STRC: variants seen among roughly 807,000 people sequenced by gnomAD.
The protein encoded by STRC is stereocilin.
A neutral mutation model predicts 103.5 loss-of-function variants in STRC; 43 were observed. The ratio of observed to expected loss-of-function variants is 0.42; its 90% CI spans 0.33 to 0.54. The LOEUF (loss-of-function observed/expected upper bound fraction) is 0.54. STRC is among the 20% of genes least tolerant of loss of function. The pLI, the probability that STRC is intolerant of heterozygous loss-of-function variation, is 0.14. For missense variants in STRC, 499 were observed against 1,088.5 expected, an observed-to-expected ratio of 0.46 and a Z score of 7.62; for synonymous variants, 186 against 442.3, an observed-to-expected ratio of 0.42 and a Z score of 7.27.
At position 43,601,404 on chromosome 15, in the gene STRC, T is replaced by A. The variant is rs141809944; in HGVS notation, c.4693A>T (p.Thr1565Ser). ...STLGQIDGWS[T>S]TQLRIVVSSF... ...AGGAGGAAAAGTGTTACCTGAGTGG[T>A]GCTCCAGCCATCTATCTGCCCCAGG... Residue 1565 changes from threonine to serine, a missense_variant, in exon 24 of 29, where the codon ACC becomes TCC. Thr to Ser is a moderately conservative substitution (Grantham distance 58). Transcript: ENST00000450892. 3.1e-4 allele frequency: 507 copies of A among 1,611,122 alleles called. 3 individuals are homozygous for A. The highest frequency in any genetic ancestry group is 1.4e-3 in the Middle Eastern group (8 of 5,766).
chr15:43,602,405 A>C (rs891667032), intron 23 of STRC: 1 of 151,910 alleles, frequency 6.6e-6, no homozygotes, highest in African/African-American at 2.4e-5. Flanking sequence ...TCTGGTCTCT[A>C]ACTCCTGGGC....
intron 23 of STRC, among the ~76,000 whole-genome samples, chr15:43,601,952 T>C (rs2085672356): frequency 1.3e-5 from 2 of 151,374 alleles, no homozygotes; most frequent in African/African-American, 2.4e-5. Flanking sequence ...AAACCCCATC[T>C]CTACCAAAGA....
chr15:43,603,656 C>T, intron 22 of STRC: 5 of 636,884 alleles, frequency 7.9e-6, no homozygotes, highest in Non-Finnish European at 1.1e-5. Flanking sequence ...AATGGTAGCA[C>T]TGAATTTGAA....
At position 43,605,393 on chromosome 15, in the gene STRC, C is replaced by T. The variant is rs1165776768; in HGVS notation, c.3801G>A (p.Gln1267=). ...DSKLLLDLPI[Q]LMDRLSNESI... ...ATTCATTGGATAGTCTGTCCATCAA[C>T]TGGATCCTATTACAGCAATTTGACA... The change falls in exon 19 of 29, where the codon CAG becomes CAA. Residue 1267 remains glutamine, a synonymous_variant. Transcript: ENST00000450892. 1.9e-6 allele frequency: 3 copies of T among 1,602,158 alleles called. No individual in the cohort carries two copies. Among genetic ancestry groups the T allele is most frequent in the Non-Finnish European group, 2.6e-6 (3 of 1,173,292 alleles).
In STRC at chr15:43,606,948, C is replaced by T. The variant is rs1257795691; in HGVS notation, c.3794+915G>A. Among the ~76,000 whole-genome samples the T allele has an allele frequency of 2.6e-5, 3 of 115,590 alleles. 1 individual carries two copies. Among genetic ancestry groups the T allele is most frequent in the South Asian group, 6.2e-4 (2 of 3,236 alleles). The allele number at this position is 115,590 out of a possible 152,430, so 75.8% of individuals were successfully genotyped here. A position where few individuals can be genotyped will look rare whatever the true frequency, so the allele number is the denominator to read the frequency against. On this transcript the variant is annotated intron_variant, in intron 18 of 28. Transcript: ENST00000450892. ...CTGGAAGATGGAGGTTGCAGTGAGCCGAGATCACGTCACTGCACTCCAGCC... is the reference window on the plus strand; with the variant it reads ...CTGGAAGATGGAGGTTGCAGTGAGCTGAGATCACGTCACTGCACTCCAGCC...
At chr15:43,600,443 C>G in intron 26 of STRC, 91 bp downstream of exon 26, 1 of 1,596,914 alleles carries the variant, frequency 6.3e-7, no homozygotes, top group Non-Finnish European at 8.6e-7. Context: ...CTCAGGCCCC[C>G]ACCTTAAGAA....
At position 43,609,303 on chromosome 15, in the gene STRC, G is replaced by A; in HGVS notation, c.3530C>T (p.Pro1177Leu). 1 of 1,610,154 alleles carries A rather than the reference G, an allele frequency of 6.2e-7. No individual in the cohort carries two copies. The highest frequency in any genetic ancestry group is 1.1e-5 in the South Asian group (1 of 90,964). ...AQFLWKKMQV[P>L]TNLTLRNLQA... ...CAGATTCCTGAGGGTAAGGTTGGTGGGTACTTGCATCTTCTTCCAGAGAAA... is the reference window on the plus strand; with the variant it reads ...CAGATTCCTGAGGGTAAGGTTGGTGAGTACTTGCATCTTCTTCCAGAGAAA... The change falls in exon 16 of 29, where the codon CCC becomes CTC. Residue 1177 changes from proline (P) to leucine (L), a missense_variant. Transcript: ENST00000450892.
chr15:43,604,927 A>G lies in STRC; in HGVS notation c.3931-81T>C, dbSNP rs2467434. On this transcript the variant is annotated intron_variant, in intron 19 of 28. Transcript: ENST00000450892. ...CCTTGATCAAGACACCAAGCCCCCT[A>G]ACCTTCCCTCCCTCCTGCTCCCAGC... 3,456 of 1,551,092 alleles carry G rather than the reference A, an allele frequency of 2.2e-3. 69 individuals are homozygous for G. In the African/African-American group the frequency reaches 0.038, roughly 17 times the overall value.
chr15:43,608,321 GA>G (rs1482976675), intron 16 of STRC, 118 bp from the exon 17 acceptor site: 2 of 740,150 alleles, frequency 2.7e-6, no homozygotes, highest in Admixed American at 4.8e-5. Flanking sequence ...TATGGTTTGA[GA>G]AATGTTTTTA....
Position 43,604,721 on chromosome 15 carries a change from C to A in STRC, c.4056G>T (p.Leu1352=), listed in dbSNP as rs1291720895. 1.2e-6 allele frequency: 2 copies of A among 1,613,540 alleles called. No homozygotes were observed. Among genetic ancestry groups the A allele is most frequent in the African/African-American group, 2.7e-5 (2 of 74,870 alleles). Residue 1352 remains leucine, a synonymous_variant, in exon 20 of 29, where the codon CTG becomes CTT. Transcript: ENST00000450892. ...ATGTCTCTCCTAGGCAGAAGCCTTG[C>A]AGCTGACTGAGATGGGACAGCAGGA... ...LQILLSHLSQ[L]QGFCLGETFA...
intron 23 of STRC, among the ~76,000 whole-genome samples, chr15:43,601,996 T>C (rs7171920): frequency 0.035 from 5,240 of 151,358 alleles, 308 homozygotes; most frequent in African/African-American, 0.11. Context: ...GCACCTGTAG[T>C]CCCAGCTACT....
chr15:43,601,631 G>C (rs757029184), intron 23 of STRC, 80 bp from the exon 24 acceptor site: 1 of 1,441,350 alleles, frequency 6.9e-7, no homozygotes, highest in Admixed American at 1.7e-5. Flanking sequence ...TCTTGCCTCT[G>C]CCCTTAGCTG....
chr15:43,605,063 A>G, intron 19 of STRC: 2 of 933,604 alleles, frequency 2.1e-6, no homozygotes, highest in Non-Finnish European at 3.3e-6. Flanking sequence ...TCGGACTCCA[A>G]GAGGTATGGA....
rs993403541 is a variant in STRC at position 43,609,338 on chromosome 15, C to T, written c.3499-4G>A. The T allele has an allele frequency of 1.2e-6, 2 of 1,608,008 alleles. No homozygotes were observed. The highest frequency in any genetic ancestry group is 1.7e-4 in the Middle Eastern group (1 of 6,060). On this transcript the variant is annotated splice_polypyrimidine_tract_variant and splice_region_variant and intron_variant, in intron 15 of 28. Coordinates refer to ENST00000450892, the MANE Select transcript of STRC (RefSeq NM_153700.2). ...TCTTCTTCCAGAGAAACTGTGCCTA[C>T]AAGAGAAAGAAAGACGAGCCCCTTC...
chr15:43,602,142 AAAAAG>A (rs2085674963), intron 23 of STRC, among the ~76,000 whole-genome samples: 1 of 150,744 alleles, frequency 6.6e-6, no homozygotes, highest in African/African-American at 2.4e-5. Flanking sequence ...AAAAAAAAAA[AAAAAG>A]GAGATGCAGA....
rs74643365 is a variant in STRC at position 43,601,535 on chromosome 15, C to T, written c.4562G>A (p.Arg1521Gln). ...GKAKQLWGPP[R>Q]GFRPEQILQL... Reference sequence around the variant, plus strand: ...CAGGATCTGCTCAGGACGAAATCCCCGGGGGGGACCCCACAACTAGGAGAA... The same window carrying T: ...CAGGATCTGCTCAGGACGAAATCCCTGGGGGGGACCCCACAACTAGGAGAA... Residue 1521 changes from arginine (R) to glutamine (Q), a missense_variant, in exon 24 of 29, where the codon CGG becomes CAG. Physicochemically the swap from Arg to Gln is conservative, Grantham distance 43 (BLOSUM62 1). Transcript: ENST00000450892. 0.053 allele frequency: 85,685 copies of T among 1,613,514 alleles called. 3,329 individuals carry two copies. The highest frequency in any genetic ancestry group is 0.095 in the Middle Eastern group (575 of 6,058).
intron 23 of STRC, among the ~76,000 whole-genome samples, chr15:43,602,972 G>GA (rs534668758): frequency 6.0e-5 from 9 of 149,622 alleles, no homozygotes; most frequent in East Asian, 1.9e-4. Flanking sequence ...TTTTAAGAAA[G>GA]AAAAAAAAAT....
chr15:43,603,090 CTCCCT>C, intron 23 of STRC, 147 bp downstream of exon 23: 2 of 783,282 alleles, frequency 2.6e-6, no homozygotes, highest in Non-Finnish European at 4.2e-6. Flanking sequence ...CAATATTTAT[CTCCCT>C]TCACCTCCTA....
At chr15:43,600,494 A>C in intron 26 of STRC, 40 bp downstream of exon 26, 1 of 1,609,124 alleles carries the variant, frequency 6.2e-7, no homozygotes, top group Non-Finnish European at 8.5e-7. Flanking sequence ...ATGGTATAGA[A>C]ACCAAACCAA....
Sources: allele counts gnomAD v4.1 joint callset (sites outside exome capture counted in the v4.1 genomes callset), GRCh38; gene constraint gnomAD v4.1.1; transcripts MANE v1.5; gene names NCBI Gene and HGNC (gene_info 2026-07-23, HGNC 2026-07-21).